The following THRB variants were observed in gnomAD, a reference collection of about 807,000 sequenced individuals.
The protein encoded by THRB is nuclear receptor subfamily 1 group A member 2.
A neutral mutation model predicts 47.8 loss-of-function variants in THRB; 12 were observed. The observed-to-expected ratio is 0.25, with a 90% confidence interval of 0.16 to 0.41. The LOEUF (loss-of-function observed/expected upper bound fraction) is 0.41. Among genes scored for constraint, THRB ranks in the 10% least tolerant of loss-of-function variants. The pLI is 1.00. For missense variants in THRB, 348 were observed against 589.2 expected, an observed-to-expected ratio of 0.59 and a Z score of 4.24; for synonymous variants, 218 against 212.2, an observed-to-expected ratio of 1.03 and a Z score of -0.24.
chr3:24,480,733 A>G (rs1193997597), intron 1 of THRB, among the ~76,000 whole-genome samples: 3 of 152,234 alleles, frequency 2.0e-5, no homozygotes, highest in Admixed American at 2.0e-4. Context: ...ACTGCCAGAC[A>G]ATGAAGAGAA....
intron 1 of THRB, among the ~76,000 whole-genome samples, chr3:24,472,374 T>G (rs1328451154): frequency 6.6e-6 from 1 of 152,160 alleles, no homozygotes. Flanking sequence ...GGCAACATCT[T>G]GAAACATCTA....
chr3:24,403,192 A>T (rs1470774984), intron 1 of THRB, among the ~76,000 whole-genome samples: 1 of 151,950 alleles, frequency 6.6e-6, no homozygotes, highest in African/African-American at 2.4e-5. Context: ...TTTATGTAAA[A>T]TTTTTTCAAA....
chr3:24,280,162 C>G (rs138296802), intron 3 of THRB, among the ~76,000 whole-genome samples: 8,120 of 152,182 alleles, frequency 0.053, 684 homozygotes, highest in African/African-American at 0.18. Context: ...CTGAGCGACG[C>G]AGAAGATGGG....
intron 1 of THRB, among the ~76,000 whole-genome samples, chr3:24,379,427 C>A (rs1347887092): frequency 6.6e-6 from 1 of 152,058 alleles, no homozygotes; most frequent in Non-Finnish European, 1.5e-5. Context: ...TGGAAAAGGA[C>A]CCATGTCTCA....
chr3:24,360,169 A>C (rs1416896852), intron 1 of THRB, among the ~76,000 whole-genome samples: 2 of 152,166 alleles, frequency 1.3e-5, no homozygotes, highest in African/African-American at 4.8e-5. Context: ...CTGCTGTGCC[A>C]GGTGCTTTAC....
At chr3:24,169,755 G>C (rs907544757) in intron 5 of THRB, among the ~76,000 whole-genome samples, 2 of 146,200 alleles carry the variant, frequency 1.4e-5, no homozygotes, top group Admixed American at 6.9e-5. Context: ...TATACTCTAG[G>C]TCACAGGTCA....
chr3:24,321,880 A>G (rs2058510178), intron 2 of THRB, among the ~76,000 whole-genome samples: 1 of 152,224 alleles, frequency 6.6e-6, no homozygotes, highest in African/African-American at 2.4e-5. Context: ...AGAATATCTC[A>G]TTAATATTTT....
chr3:24,267,253 TTAC>T (rs1201184535), intron 3 of THRB, among the ~76,000 whole-genome samples: 1 of 151,950 alleles, frequency 6.6e-6, no homozygotes, highest in African/African-American at 2.4e-5. Context: ...TTTGTAGCAG[TTAC>T]ATAAGTGGGT....
At chr3:24,299,777 A>ATTTTTTTTTTTTTTTTTT (rs1469621301) in intron 2 of THRB, among the ~76,000 whole-genome samples, 2 of 41,584 alleles carry the variant, frequency 4.8e-5, no homozygotes, top group African/African-American at 7.5e-5. Flanking sequence ...TTTTTTATTT[A>ATTTTTTTTTTTTTTTTTT]TTTATTTATT....
intron 1 of THRB, among the ~76,000 whole-genome samples, chr3:24,416,383 T>G (rs1451715070): frequency 6.6e-6 from 1 of 151,790 alleles, no homozygotes; most frequent in Non-Finnish European, 1.5e-5. Context: ...CTTCAAGGGC[T>G]CCAAGTGACT....
intron 1 of THRB, among the ~76,000 whole-genome samples, chr3:24,438,039 A>G (rs1353322399): frequency 1.3e-5 from 2 of 151,792 alleles, no homozygotes; most frequent in African/African-American, 4.8e-5. Flanking sequence ...CAGATGCACT[A>G]TCTCATTTGG....
At chr3:24,232,101 C>T (rs1218355910) in intron 3 of THRB, among the ~76,000 whole-genome samples, 3 of 152,176 alleles carry the variant, frequency 2.0e-5, no homozygotes, top group South Asian at 2.1e-4. Context: ...CTGTGTACCA[C>T]GGCCCTTCAA....
At chr3:24,398,500 A>C (rs1405380019) in intron 1 of THRB, among the ~76,000 whole-genome samples, 2 of 152,136 alleles carry the variant, frequency 1.3e-5, no homozygotes, top group Non-Finnish European at 2.9e-5. Flanking sequence ...CTGGCCATCA[A>C]AGAAATGCAA....
At chr3:24,368,086 T>C (rs1264326315) in intron 1 of THRB, among the ~76,000 whole-genome samples, 1 of 152,166 alleles carries the variant, frequency 6.6e-6, no homozygotes, top group Non-Finnish European at 1.5e-5. Flanking sequence ...ACATATGTAA[T>C]TATTTTATGA....
chr3:24,330,043 C>T (rs1405415300), intron 2 of THRB, among the ~76,000 whole-genome samples: 7 of 152,330 alleles, frequency 4.6e-5, no homozygotes, highest in African/African-American at 1.2e-4. Flanking sequence ...CGGTGGCTCA[C>T]GCCTGTAATC....
chr3:24,484,168 T>C (rs1434706734), intron 1 of THRB: 1 of 152,244 alleles, frequency 6.6e-6, no homozygotes, highest in Non-Finnish European at 1.5e-5. Flanking sequence ...AAACTTCCAT[T>C]TGTTTGAGCT....
chr3:24,462,355 C>T (rs1289532472), intron 1 of THRB, among the ~76,000 whole-genome samples: 1 of 152,170 alleles, frequency 6.6e-6, no homozygotes, highest in Non-Finnish European at 1.5e-5. Flanking sequence ...TCTCTCCAGT[C>T]TTACATTCTA....
chr3:24,261,240 C>T (rs781216864), intron 3 of THRB, among the ~76,000 whole-genome samples: 24 of 152,288 alleles, frequency 1.6e-4, no homozygotes, highest in Admixed American at 4.6e-4. Flanking sequence ...CAGTGGCTCA[C>T]GCCTGTAATC....
Position 24,228,986 on chromosome 3 carries a change from T to C in THRB, c.-27A>G. On this transcript the variant is annotated 5_prime_UTR_variant, in exon 4 of 11. Coordinates refer to ENST00000646209, the MANE Select transcript of THRB (RefSeq NM_001354712.2). ...GGTTAGTAATCATTCTGGATCCCTTTTTTCACTGACATCTCCTACAAGGAA... is the reference window on the plus strand; with the variant it reads ...GGTTAGTAATCATTCTGGATCCCTTCTTTCACTGACATCTCCTACAAGGAA... 6.3e-7 allele frequency: 1 copy of C among 1,599,906 alleles called. No individual in the cohort carries two copies. Among genetic ancestry groups the C allele is most frequent in the African/African-American group, 1.4e-5 (1 of 72,746 alleles).
Sources: allele counts gnomAD v4.1 joint callset (sites outside exome capture counted in the v4.1 genomes callset), GRCh38; gene constraint gnomAD v4.1.1; transcripts MANE v1.5; gene names NCBI Gene and HGNC (gene_info 2026-07-23, HGNC 2026-07-21).